The following BTG4 variants were observed in gnomAD, a reference collection of about 807,000 sequenced individuals.
BTG4 encodes the protein protein BTG4.
In BTG4, 10 loss-of-function variants were observed where a neutral mutation model predicts 19.3. That is an observed-to-expected ratio of 0.52 (90% CI 0.32 to 0.88). The LOEUF is 0.88. Among genes scored for constraint, BTG4 ranks in the 40% least tolerant of loss-of-function variants. BTG4 has a pLI of 0.04. For missense variants in BTG4, 238 were observed against 281.9 expected (o/e 0.84, Z 1.11); for synonymous variants, 91 against 95.7 (o/e 0.95, Z 0.29).
chr11:111,473,467 T>C (rs1864204314), intron 5 of BTG4: 1 of 152,574 alleles, frequency 6.6e-6, no homozygotes, highest in Non-Finnish European at 1.5e-5. Context: ...AACAATTAGC[T>C]ATATGCCAAC....
chr11:111,497,087 G>A (rs1429411106), intron 4 of BTG4, 124 bp downstream of exon 4: 2 of 957,040 alleles, frequency 2.1e-6, no homozygotes, highest in Non-Finnish European at 3.1e-6. Context: ...TTAAGAGTCT[G>A]GCTTTTAAAA....
chr11:111,430,657 G>A, the BTG4 span, among the ~76,000 whole-genome samples: 3 of 152,258 alleles, frequency 2.0e-5, no homozygotes, highest in Non-Finnish European at 2.9e-5. Context: ...GATTTGGGGG[G>A]TCCCAAGATT....
At chr11:111,408,819 A>G in the BTG4 span, among the ~76,000 whole-genome samples, 1 of 152,238 alleles carries the variant, frequency 6.6e-6, no homozygotes, top group South Asian at 2.1e-4. Flanking sequence ...GGTAGGTGGG[A>G]TGACAAATAG....
intron 5 of BTG4, among the ~76,000 whole-genome samples, chr11:111,473,593 T>C (rs529030): frequency 0.95 from 144,054 of 152,226 alleles, 68,693 homozygotes; most frequent in Middle Eastern, 1. Flanking sequence ...GAGCTTCTCC[T>C]ACAACAACAG....
At chr11:111,470,893 C>T (rs1293112695) in intron 5 of BTG4, among the ~76,000 whole-genome samples, 1 of 152,100 alleles carries the variant, frequency 6.6e-6, no homozygotes, top group Non-Finnish European at 1.5e-5. Context: ...CACACCACTG[C>T]ACTCTAGCCT....
chr11:111,509,674 C>G (rs904566727), intron 1 of BTG4, among the ~76,000 whole-genome samples: 14 of 150,322 alleles, frequency 9.3e-5, no homozygotes, highest in African/African-American at 3.4e-4. Flanking sequence ...CCAGCTTGGG[C>G]AATAAGAGCA....
At chr11:111,459,213 G>A in the BTG4 span, among the ~76,000 whole-genome samples, 13 of 152,038 alleles carry the variant, frequency 8.6e-5, no homozygotes, top group Admixed American at 5.9e-4. Context: ...TTGTACTCCA[G>A]TCTGGGTGAC....
At chr11:111,513,281 G>A (rs2156719), upstream of BTG4, among the ~76,000 whole-genome samples, 148,109 of 152,366 alleles carry the variant, frequency 0.97, 72,129 homozygotes, top group Middle Eastern at 1. Flanking sequence ...TCCATGTAAC[G>A]GTTAATACTG....
the BTG4 span, chr11:111,450,227 G>A: frequency 2.0e-5 from 3 of 152,334 alleles, no homozygotes; most frequent in Non-Finnish European, 2.9e-5. Flanking sequence ...GTCCTTTCAG[G>A]ACACTCAGAC....
chr11:111,498,553 C>T, intron 2 of BTG4, 51 bp downstream of exon 2: 1 of 1,499,162 alleles, frequency 6.7e-7, no homozygotes, highest in Non-Finnish European at 9.1e-7. Context: ...TAGGAGCTGG[C>T]TGGTTGCTTG....
chr11:111,428,565 A>G, the BTG4 span, among the ~76,000 whole-genome samples: 1 of 152,194 alleles, frequency 6.6e-6, no homozygotes, highest in African/African-American at 2.4e-5. Context: ...GAGAAAAACA[A>G]TCAGGTATCA....
At chr11:111,508,125 G>A (rs555005170) in intron 1 of BTG4, among the ~76,000 whole-genome samples, 15 of 152,226 alleles carry the variant, frequency 9.9e-5, no homozygotes, top group South Asian at 2.1e-4. Context: ...ATCTTATTCC[G>A]TTTGTTCACT....
the BTG4 span, among the ~76,000 whole-genome samples, chr11:111,422,174 C>G: frequency 6.6e-6 from 1 of 152,182 alleles, no homozygotes; most frequent in African/African-American, 2.4e-5. Flanking sequence ...GGAGGGTCTT[C>G]TGGTCTCAGC....
Position 111,497,310 on chromosome 11 carries a change from G to A in BTG4, c.411C>T (p.Ala137=). 6.2e-7 allele frequency: 1 copy of A among 1,605,934 alleles called. No homozygotes were observed. The highest frequency in any genetic ancestry group is 8.5e-7 in the Non-Finnish European group (1 of 1,177,328). ...AAGTGCCAGAGGAAACGTCTGATGA[G>A]GCTCTACTAACGGCATAACTGATTT... ...YQQISYAVSR[A]SSDVSSGTSC... Residue 137 remains alanine (A), a synonymous_variant, in exon 4 of 5, where the codon GCC becomes GCT. Coordinates refer to ENST00000692032, the MANE Select transcript of BTG4 (RefSeq NM_001367975.1).
chr11:111,397,498 C>T, the BTG4 span: 1 of 152,288 alleles, frequency 6.6e-6, no homozygotes, highest in African/African-American at 2.4e-5. Context: ...TTCTTCTCCC[C>T]ACCTTTTCCT....
chr11:111,454,529 G>A, the BTG4 span, among the ~76,000 whole-genome samples: 464 of 152,206 alleles, frequency 3.0e-3, 6 homozygotes, highest in African/African-American at 0.011. Flanking sequence ...GGGAGATAGA[G>A]GATTTCAGAT....
At chr11:111,392,097 T>C in the BTG4 span, among the ~76,000 whole-genome samples, 1 of 151,226 alleles carries the variant, frequency 6.6e-6, no homozygotes, top group Non-Finnish European at 1.5e-5. Flanking sequence ...TACCTGCCTA[T>C]GGTTACCTAG....
the BTG4 span, among the ~76,000 whole-genome samples, chr11:111,411,343 A>G: frequency 6.6e-6 from 1 of 152,036 alleles, no homozygotes; most frequent in South Asian, 2.1e-4. Flanking sequence ...TGAACAGGCC[A>G]ACCATGGTCC....
At chr11:111,477,078 T>C (rs758654482) in intron 5 of BTG4, among the ~76,000 whole-genome samples, 5 of 152,154 alleles carry the variant, frequency 3.3e-5, no homozygotes, top group Non-Finnish European at 7.4e-5. Context: ...TATTCCTCAT[T>C]CTTGGCTGAT....
Sources: allele counts gnomAD v4.1 joint callset (sites outside exome capture counted in the v4.1 genomes callset), GRCh38; gene constraint gnomAD v4.1.1; transcripts MANE v1.5; gene names NCBI Gene and HGNC (gene_info 2026-07-23, HGNC 2026-07-21).